The following SGCZ variants were observed in gnomAD, a reference collection of about 807,000 sequenced individuals.
SGCZ encodes zeta-sarcoglycan.
Under a neutral mutation model 41.3 loss-of-function variants are expected in SGCZ, and 40 were observed. The ratio of observed to expected loss-of-function variants is 0.97; its 90% confidence interval spans 0.75 to 1.26. The LOEUF is 1.26. Ranked by LOEUF, SGCZ falls within the 50% of genes most tolerant of loss-of-function variation. SGCZ has a pLI of 0.00. For synonymous variants in SGCZ, 206 were observed against 137.5 expected (o/e 1.50, Z -3.49); for missense variants, 552 against 369.8 (o/e 1.49, Z -4.04).
At chr8:14,266,322 G>A (rs892680401) in intron 3 of SGCZ, among the ~76,000 whole-genome samples, 1 of 152,068 alleles carries the variant, frequency 6.6e-6, no homozygotes, top group East Asian at 1.9e-4. Context: ...TTTTGTGGGT[G>A]AGACATTAAT....
intron 4 of SGCZ, among the ~76,000 whole-genome samples, chr8:14,198,910 T>A (rs1242527823): frequency 2.0e-5 from 3 of 152,200 alleles, no homozygotes; most frequent in Non-Finnish European, 4.4e-5. Context: ...TTTACTTTAA[T>A]CTCTTAATCC....
intron 1 of SGCZ, among the ~76,000 whole-genome samples, chr8:15,195,413 A>C (rs1800690729): frequency 6.6e-6 from 1 of 152,162 alleles, no homozygotes; most frequent in Non-Finnish European, 1.5e-5. Context: ...CTGTTGATGC[A>C]GGGATGGCTT....
At chr8:15,196,773 T>G (rs945474180) in intron 1 of SGCZ, among the ~76,000 whole-genome samples, 11 of 152,192 alleles carry the variant, frequency 7.2e-5, no homozygotes, top group Non-Finnish European at 1.2e-4. Flanking sequence ...CTAAAATTTC[T>G]TATTTCTCAT....
At chr8:15,180,599 G>A (rs114850834) in intron 1 of SGCZ, among the ~76,000 whole-genome samples, 1,870 of 151,934 alleles carry the variant, frequency 0.012, 39 homozygotes, top group African/African-American at 0.041. Context: ...AAAAACAGAG[G>A]GAAAGGCTGG....
chr8:14,534,063 G>A (rs557023635), intron 2 of SGCZ, among the ~76,000 whole-genome samples: 295 of 152,158 alleles, frequency 1.9e-3, no homozygotes, highest in Non-Finnish European at 3.0e-3. Context: ...ATTCAAGGAT[G>A]TAGTCAGACA....
At chr8:15,067,971 G>C (rs1805212450) in intron 1 of SGCZ, among the ~76,000 whole-genome samples, 1 of 152,146 alleles carries the variant, frequency 6.6e-6, no homozygotes, top group Admixed American at 6.5e-5. Context: ...TGTTAATTAT[G>C]AAAATTATGT....
chr8:15,192,372 A>C (rs942414328), intron 1 of SGCZ, among the ~76,000 whole-genome samples: 2 of 152,146 alleles, frequency 1.3e-5, no homozygotes, highest in Non-Finnish European at 2.9e-5. Flanking sequence ...TGAATTTTAA[A>C]ATCAGCTTCC....
At chr8:14,966,659 A>T (rs1801135430) in intron 1 of SGCZ, among the ~76,000 whole-genome samples, 3 of 152,258 alleles carry the variant, frequency 2.0e-5, no homozygotes, top group Non-Finnish European at 2.9e-5. Context: ...TAAAAGCACC[A>T]GATTAACAAC....
At chr8:14,786,410 G>T (rs992060534) in intron 1 of SGCZ, among the ~76,000 whole-genome samples, 1 of 152,084 alleles carries the variant, frequency 6.6e-6, no homozygotes, top group African/African-American at 2.4e-5. Flanking sequence ...TTTATGAAAT[G>T]AAAGGATTAT....
Position 15,096,944 on chromosome 8 carries a change from C to A in SGCZ, c.39+140641G>T, listed in dbSNP as rs2168125. On this transcript the variant is annotated intron_variant, in intron 1 of 7. Coordinates refer to ENST00000382080, the MANE Select transcript of SGCZ (RefSeq NM_139167.4). ...TCGTGATCCACCCACCTCGGCCTCC[C>A]AAAGCAGTGGGATTACAGGTGTGAG... Among the ~76,000 whole-genome samples, 1,521 of 152,182 alleles carry A rather than the reference C, an allele frequency of 1.0e-2. 23 individuals are homozygous for A. The highest frequency in any genetic ancestry group is 0.036 in the African/African-American group (1,475 of 41,512).
intron 5 of SGCZ, among the ~76,000 whole-genome samples, chr8:14,128,349 A>G (rs1802929203): frequency 6.6e-6 from 1 of 152,216 alleles, no homozygotes; most frequent in Non-Finnish European, 1.5e-5. Context: ...TAAAATCACA[A>G]TGAGATATCA....
chr8:14,544,557 G>A (rs888280029), intron 2 of SGCZ, among the ~76,000 whole-genome samples: 1 of 152,038 alleles, frequency 6.6e-6, no homozygotes, highest in Non-Finnish European at 1.5e-5. Context: ...GGAAAGGAAT[G>A]CGTTCCTGGG....
At chr8:14,537,638 T>G (rs2117141654) in intron 2 of SGCZ, among the ~76,000 whole-genome samples, 1 of 151,762 alleles carries the variant, frequency 6.6e-6, no homozygotes, top group South Asian at 2.1e-4. Flanking sequence ...CCATCAGAGA[T>G]TTAATACTGT....
At chr8:14,610,165 G>A (rs1451784558) in intron 1 of SGCZ, among the ~76,000 whole-genome samples, 1 of 152,128 alleles carries the variant, frequency 6.6e-6, no homozygotes. Context: ...TAAATTTGCA[G>A]GATGGCAGAA....
intron 2 of SGCZ, among the ~76,000 whole-genome samples, chr8:14,355,172 G>A (rs1038504352): frequency 6.6e-6 from 1 of 151,876 alleles, no homozygotes; most frequent in Admixed American, 6.6e-5. Flanking sequence ...AAGTGTTTGT[G>A]TACTTTGTTT....
chr8:15,105,975 T>C (rs141701392), intron 1 of SGCZ, among the ~76,000 whole-genome samples: 59 of 152,336 alleles, frequency 3.9e-4, no homozygotes, highest in Non-Finnish European at 6.8e-4. Context: ...TGAAATCTGC[T>C]ATTTATTTGA....
At chr8:15,188,991 A>G (rs1221923523) in intron 1 of SGCZ, among the ~76,000 whole-genome samples, 1 of 139,282 alleles carries the variant, frequency 7.2e-6, no homozygotes, top group Admixed American at 8.1e-5. Flanking sequence ...ATTAAATATC[A>G]AAAAAAATAG....
At chr8:14,316,671 G>A (rs6994152) in intron 3 of SGCZ, among the ~76,000 whole-genome samples, 139,073 of 151,946 alleles carry the variant, frequency 0.92, 63,805 homozygotes, top group Middle Eastern at 0.94. Context: ...ACTGGCCTTT[G>A]TGTCTTAGAC....
chr8:14,704,448 A>C (rs1809264473), intron 1 of SGCZ, among the ~76,000 whole-genome samples: 1 of 151,990 alleles, frequency 6.6e-6, no homozygotes, highest in African/African-American at 2.4e-5. Flanking sequence ...TTCAAAAGGC[A>C]ATATTTTTCT....
Sources: allele counts gnomAD v4.1 joint callset (sites outside exome capture counted in the v4.1 genomes callset), GRCh38; gene constraint gnomAD v4.1.1; transcripts MANE v1.5; gene names NCBI Gene and HGNC (gene_info 2026-07-23, HGNC 2026-07-21).